Variants in NOL4L observed in about 807,000 individuals in gnomAD.
NOL4L encodes nucleolar protein 4-like.
Under a neutral mutation model 64.5 loss-of-function variants are expected in NOL4L, and 7 were observed. The ratio of observed to expected loss-of-function variants is 0.11; its 90% CI spans 0.06 to 0.20. NOL4L has a LOEUF of 0.20. Among genes scored for constraint, NOL4L ranks in the 10% least tolerant of loss-of-function variants. NOL4L has a pLI of 1.00. For missense variants in NOL4L, 680 were observed against 967.1 expected (o/e 0.70, Z 3.94); for synonymous variants, 413 against 401.0 (o/e 1.03, Z -0.36).
intron 1 of NOL4L, among the ~76,000 whole-genome samples, chr20:32,560,479 C>CT (rs1978942156): frequency 6.6e-6 from 1 of 152,242 alleles, no homozygotes. Flanking sequence ...ATGCTACCCG[C>CT]TGCCCCAACT....
intron 1 of NOL4L, chr20:32,536,302 C>G (rs1043168943): frequency 4.5e-4 from 443 of 985,212 alleles, no homozygotes; most frequent in Non-Finnish European, 5.2e-4. Context: ...GCGGGTCCCT[C>G]TCGGGCCGAG....
chr20:32,474,843 T>A, intron 4 of NOL4L, 101 bp from the exon 5 acceptor site: 1 of 1,454,340 alleles, frequency 6.9e-7, no homozygotes, highest in Non-Finnish European at 9.1e-7. Context: ...CGTTTGGGAG[T>A]GCCCTGAAGG....
At chr20:32,448,666 C>CA (rs1435939624) in intron 10 of NOL4L, among the ~76,000 whole-genome samples, 4 of 152,214 alleles carry the variant, frequency 2.6e-5, no homozygotes, top group African/African-American at 9.7e-5. Flanking sequence ...GGACAAGACT[C>CA]AGACTCGCTT....
At chr20:32,563,423 T>C (rs886749185) in intron 1 of NOL4L, among the ~76,000 whole-genome samples, 2 of 151,830 alleles carry the variant, frequency 1.3e-5, no homozygotes, top group East Asian at 1.9e-4. Flanking sequence ...CTCCATTTCA[T>C]AGAGGACCGA....
chr20:32,483,612 G>A (rs1157281774), intron 4 of NOL4L: 14 of 427,230 alleles, frequency 3.3e-5, no homozygotes, highest in African/African-American at 3.9e-5. Flanking sequence ...AGGGGGCACC[G>A]GGCACGGGGA....
intron 5 of NOL4L, among the ~76,000 whole-genome samples, chr20:32,467,693 G>A (rs1290452239): frequency 2.0e-5 from 3 of 152,168 alleles, no homozygotes; most frequent in Non-Finnish European, 2.9e-5. Flanking sequence ...GTCCACATCT[G>A]GTCCTCAACC....
chr20:32,472,370 G>T (rs2015085613), intron 5 of NOL4L, among the ~76,000 whole-genome samples: 1 of 152,214 alleles, frequency 6.6e-6, no homozygotes, highest in African/African-American at 2.4e-5. Flanking sequence ...GCCCACCTGG[G>T]CATCAGTGGG....
intron 1 of NOL4L, among the ~76,000 whole-genome samples, chr20:32,566,350 TC>T (rs1307831613): frequency 1.3e-5 from 2 of 151,954 alleles, no homozygotes; most frequent in African/African-American, 4.8e-5. Flanking sequence ...TCCCCATGGG[TC>T]TTCAAACCCA....
chr20:32,484,585 C>T (rs945680260), intron 4 of NOL4L, among the ~76,000 whole-genome samples: 3 of 151,914 alleles, frequency 2.0e-5, no homozygotes, highest in Non-Finnish European at 2.9e-5. Context: ...CCCGCGTGCC[C>T]GCCCCCGCCC....
intron 3 of NOL4L, among the ~76,000 whole-genome samples, chr20:32,513,771 G>A (rs947880522): frequency 3.3e-5 from 5 of 151,936 alleles, no homozygotes; most frequent in Non-Finnish European, 7.4e-5. Context: ...AGGCTGAGGT[G>A]GGAGGATCAC....
At position 32,464,615 on chromosome 20, in the gene NOL4L, G is replaced by A. The variant is rs1292671448; in HGVS notation, c.842-8220C>T. ...GTGTGCCCCTCAGTGCCCGGGCAGT[G>A]GGCGTTCCTGCTGAAACTCTGGTCA... On this transcript the variant is annotated intron_variant, in intron 5 of 10. Coordinates refer to ENST00000621426, the MANE Select transcript of NOL4L (RefSeq NM_001256798.2). This position sits in a 1 kb window ranked among gnomAD's most constrained non-coding sequence, Gnocchi z 5.6. Among the ~76,000 whole-genome samples the A allele has an allele frequency of 6.6e-6, 1 of 152,248 alleles. No homozygotes were observed. Among genetic ancestry groups the A allele is most frequent in the Non-Finnish European group, 1.5e-5 (1 of 68,040 alleles).
chr20:32,494,253 G>GGAAAAA (rs2016583470), intron 4 of NOL4L, among the ~76,000 whole-genome samples: 2 of 22,028 alleles, frequency 9.1e-5, no homozygotes, highest in Non-Finnish European at 1.8e-4. Flanking sequence ...ATAATCTCGG[G>GGAAAAA]AAAAAAAAAA....
intron 4 of NOL4L, among the ~76,000 whole-genome samples, chr20:32,485,133 T>C (rs1314548975): frequency 3.5e-5 from 5 of 142,800 alleles, no homozygotes; most frequent in South Asian, 4.6e-4. Context: ...CTGATTCCTC[T>C]GGTCGCATCC....
chr20:32,469,466 G>A (rs1291530372), intron 5 of NOL4L, among the ~76,000 whole-genome samples: 2 of 151,618 alleles, frequency 1.3e-5, no homozygotes, highest in African/African-American at 2.4e-5. Context: ...CCGCCTCCCG[G>A]GTTCAAGCAA....
At chr20:32,574,570 C>T (rs762796388) in intron 1 of NOL4L, among the ~76,000 whole-genome samples, 5 of 152,172 alleles carry the variant, frequency 3.3e-5, no homozygotes, top group African/African-American at 1.2e-4. Context: ...TTTCTCGACT[C>T]GCCAGCATCC....
At chr20:32,498,769 A>T (rs1042741298) in intron 4 of NOL4L, among the ~76,000 whole-genome samples, 34 of 142,754 alleles carry the variant, frequency 2.4e-4, no homozygotes, top group East Asian at 6.1e-4. Context: ...GTCTCAATAA[A>T]AAAAAAAAAA....
chr20:32,453,279 T>C lies in NOL4L; in HGVS notation c.1497+25A>G. 3.1e-6 allele frequency: 5 copies of C among 1,605,822 alleles called. No individual in the cohort carries two copies. The African/African-American group carries it at 4.0e-5, about 13-fold the overall frequency. The stretch of plus-strand genomic sequence containing the variant: ...GGTCAGTAGTGGCACCGAGGGAAAG[T>C]GTGGGCCAGGCAGGGGGGACTCACC... On this transcript the variant is annotated intron_variant, in intron 8 of 10. Coordinates refer to ENST00000621426, the MANE Select transcript of NOL4L (RefSeq NM_001256798.2). This position sits in a 1 kb window ranked among gnomAD's most constrained non-coding sequence, Gnocchi z 5.6.
At chr20:32,574,886 C>T (rs1477247069) in intron 1 of NOL4L, among the ~76,000 whole-genome samples, 10 of 151,718 alleles carry the variant, frequency 6.6e-5, no homozygotes. Context: ...GCCTTCACCC[C>T]AGATCTGCAC....
rs1198159909 is a variant in NOL4L, at chr20:32,463,440, G to C, written c.842-7045C>G. Among the ~76,000 whole-genome samples the C allele has an allele frequency of 2.6e-5, 4 of 152,196 alleles. No individual in the cohort carries two copies. The South Asian group carries it at 8.3e-4, about 31-fold the overall frequency. On this transcript the variant is annotated intron_variant, in intron 5 of 10. Coordinates refer to ENST00000621426, the MANE Select transcript of NOL4L (RefSeq NM_001256798.2). The surrounding 1 kb of genome is among the most constrained non-coding windows in gnomAD (Gnocchi z 5.8). ...GCAGAGACATGTCCTGAGGGGCCTT[G>C]GGGAAGCAGCCCGGGATGCACCCCC... is the stretch of plus-strand genomic sequence containing the variant.
Sources: gnomAD v4.1 joint callset for allele counts (sites outside exome capture counted in the v4.1 genomes callset) on GRCh38, gnomAD v4.1.1 for gene constraint, Gnocchi (gnomAD v3.1) non-coding constraint, MANE v1.5 for transcripts, NCBI Gene and HGNC (gene_info 2026-07-23, HGNC 2026-07-21) for gene names.